The following TAB2 variants were observed in gnomAD, a reference collection of about 807,000 sequenced individuals.
TAB2 encodes TGF-beta activated kinase 1 (MAP3K7) binding protein 2.
TAB2 carries 3 observed loss-of-function variants against 65.0 expected under a neutral mutation model. The observed-to-expected ratio is 0.05, with a 90% CI of 0.02 to 0.12. The LOEUF (loss-of-function observed/expected upper bound fraction) is 0.12, where lower values mean the gene tolerates loss of function less well. Ranked by LOEUF, TAB2 falls within the 10% of genes least tolerant of loss-of-function variation. The pLI is 1.00. For synonymous variants in TAB2, 298 were observed against 285.1 expected (o/e 1.05, Z -0.46); for missense variants, 623 against 840.3 (o/e 0.74, Z 3.20).
At chr6:149,267,318 G>A (rs114722028) in intron 1 of TAB2, among the ~76,000 whole-genome samples, 103 of 152,250 alleles carry the variant, frequency 6.8e-4, no homozygotes, top group African/African-American at 2.0e-3. Flanking sequence ...GAAACCTCCC[G>A]TGTCTCCTAT....
chr6:149,306,956 GC>G (rs1293157190), intron 1 of TAB2, among the ~76,000 whole-genome samples: 2 of 152,044 alleles, frequency 1.3e-5, no homozygotes, highest in African/African-American at 4.8e-5. Context: ...CAAAATGTTG[GC>G]CCCCACATAA....
chr6:149,233,221 A>G (rs1443132737), intron 1 of TAB2, among the ~76,000 whole-genome samples: 1 of 152,168 alleles, frequency 6.6e-6, no homozygotes, highest in African/African-American at 2.4e-5. Context: ...TTTCCAGCAC[A>G]AGTCACAACT....
chr6:149,308,300 A>G (rs759592523), intron 1 of TAB2, among the ~76,000 whole-genome samples: 1 of 152,178 alleles, frequency 6.6e-6, no homozygotes, highest in Non-Finnish European at 1.5e-5. Flanking sequence ...GGAAGCGTAC[A>G]CTGATTATAC....
intron 1 of TAB2, among the ~76,000 whole-genome samples, chr6:149,224,502 T>C (rs945581398): frequency 2.6e-5 from 4 of 152,228 alleles, no homozygotes; most frequent in African/African-American, 9.6e-5. Context: ...TCTGAAATGA[T>C]GGATCCTGTT....
At chr6:149,339,385 G>T (rs1270740180) in intron 1 of TAB2, among the ~76,000 whole-genome samples, 1 of 151,264 alleles carries the variant, frequency 6.6e-6, no homozygotes, top group African/African-American at 2.4e-5. Flanking sequence ...ATGAAAAAAA[G>T]AAAAAAAATC....
At chr6:149,404,494 C>T (rs999668940) in intron 6 of TAB2, among the ~76,000 whole-genome samples, 3 of 152,004 alleles carry the variant, frequency 2.0e-5, no homozygotes, top group East Asian at 3.8e-4. Flanking sequence ...CTTGAGTAAG[C>T]AAAACAGAGC....
chr6:149,300,807 T>C (rs1407919558), intron 1 of TAB2, among the ~76,000 whole-genome samples: 2 of 152,150 alleles, frequency 1.3e-5, no homozygotes, highest in Admixed American at 1.3e-4. Flanking sequence ...AAGGAGTCCA[T>C]ACCATTAGTT....
chr6:149,299,717 A>T (rs1412219677), intron 1 of TAB2, among the ~76,000 whole-genome samples: 1 of 152,246 alleles, frequency 6.6e-6, no homozygotes, highest in East Asian at 1.9e-4. Context: ...TAAACTAGAT[A>T]AAGTTTTTAC....
intron 5 of TAB2, among the ~76,000 whole-genome samples, chr6:149,398,604 G>GA (rs1286984839): frequency 6.6e-6 from 1 of 151,878 alleles, no homozygotes; most frequent in Non-Finnish European, 1.5e-5. Context: ...AACATTCATA[G>GA]AAAAATACCA....
At chr6:149,347,876 TATGTACTTAGGTA>T (rs1438799606) in intron 1 of TAB2, among the ~76,000 whole-genome samples, 19 of 152,206 alleles carry the variant, frequency 1.2e-4, no homozygotes, top group Admixed American at 1.2e-3. Flanking sequence ...TTAAATAGTG[TATGTACTTAGGTA>T]ATATGATTCT....
intron 1 of TAB2, among the ~76,000 whole-genome samples, chr6:149,349,658 G>T (rs73779312): frequency 5.9e-5 from 9 of 152,102 alleles, no homozygotes; most frequent in African/African-American, 2.2e-4. Flanking sequence ...TGTTCAAATT[G>T]TTCTCTCATA....
chr6:149,244,462 A>C (rs896601162), intron 1 of TAB2: 3 of 152,378 alleles, frequency 2.0e-5, no homozygotes, highest in Admixed American at 2.0e-4. Flanking sequence ...GGAAGGAGAC[A>C]AGGACTCTGG....
intron 4 of TAB2, 40 bp from the exon 5 acceptor site, chr6:149,397,929 A>G (rs775911225): frequency 6.3e-7 from 1 of 1,597,660 alleles, no homozygotes; most frequent in Admixed American, 1.7e-5. Context: ...AATGACTAAG[A>G]ATTCAGTGCA....
At position 149,357,464 on chromosome 6, in the gene TAB2, C is replaced by CACACACACAT. The variant is rs1562432050; in HGVS notation, c.-89-12442_-89-12441insCACACATACA. On this transcript the variant is annotated intron_variant, in intron 1 of 6. Transcript: ENST00000637181. ...ACACACACACACACACACACACACA[C>CACACACACAT]ACATTTTAGCCTTGATGGATATAAA... Among the ~76,000 whole-genome samples, 59 of 147,854 alleles carry CACACACACAT rather than the reference C, an allele frequency of 4.0e-4. 1 individual carries two copies. The highest frequency in any genetic ancestry group is 1.4e-3 in the African/African-American group (55 of 39,688).
At chr6:149,229,774 C>T (rs1213407281) in intron 1 of TAB2, among the ~76,000 whole-genome samples, 1 of 152,168 alleles carries the variant, frequency 6.6e-6, no homozygotes, top group Non-Finnish European at 1.5e-5. Context: ...ATTTGCACCA[C>T]AGGGGGCCTA....
In TAB2 at chr6:149,399,106, C is replaced by G. The variant is rs745478959; in HGVS notation, c.1861C>G (p.Pro621Ala). The G allele has an allele frequency of 2.5e-6, 4 of 1,612,638 alleles. No homozygotes were observed. Among genetic ancestry groups the G allele is most frequent in the Non-Finnish European group, 3.4e-6 (4 of 1,178,982 alleles). ...KEIDLFQARG[P>A]HFNPSAIHNF... ...TATTTACTTTTTATATATTTCAGGA[C>G]CACATTTTAACCCCAGCGCTATTCA... The change falls in exon 6 of 7, where the codon CCA becomes GCA. Residue 621 changes from proline (P) to alanine (A), a missense_variant and splice_region_variant. By Grantham distance (27) the Pro-to-Ala change is conservative. This residue lies in a region of TAB2 where 56 missense variants were observed against 130.3 expected (regional missense o/e 0.43). Coordinates refer to ENST00000637181, the MANE Select transcript of TAB2 (RefSeq NM_001292034.3).
chr6:149,252,400 C>CAA (rs10700931), intron 1 of TAB2, among the ~76,000 whole-genome samples: 4,297 of 92,740 alleles, frequency 0.046, 261 homozygotes, highest in African/African-American at 0.15. Context: ...AACTCTGCCT[C>CAA]AAAAAAAAAA....
intron 1 of TAB2, among the ~76,000 whole-genome samples, chr6:149,258,258 C>A (rs1238716211): frequency 3.3e-5 from 5 of 152,136 alleles, no homozygotes. Context: ...GAAAATAAAA[C>A]CCTGACTTAC....
chr6:149,268,512 T>C (rs746286323), intron 1 of TAB2, among the ~76,000 whole-genome samples: 1 of 152,218 alleles, frequency 6.6e-6, no homozygotes, highest in Non-Finnish European at 1.5e-5. Context: ...AACAGCTGCA[T>C]GTGGAAGGAA....
Sources: allele counts gnomAD v4.1 joint callset (sites outside exome capture counted in the v4.1 genomes callset), GRCh38; gene constraint gnomAD v4.1.1; regional missense constraint gnomAD v4.1.1; transcripts MANE v1.5; gene names NCBI Gene and HGNC (gene_info 2026-07-23, HGNC 2026-07-21).